The following MDGA2 variants were observed in gnomAD, a reference collection of about 807,000 sequenced individuals.
MDGA2 encodes the protein MAM domain-containing glycosylphosphatidylinositol anchor protein 2.
A neutral mutation model predicts 117.8 loss-of-function variants in MDGA2; 40 were observed. That is an observed-to-expected ratio of 0.34 (90% CI 0.26 to 0.44). MDGA2 has a LOEUF of 0.44. Among genes scored for constraint, MDGA2 ranks in the 20% least tolerant of loss-of-function variants. The pLI is 1.00. For missense variants in MDGA2, 1,123 were observed against 1,250.6 expected (o/e 0.90, Z 1.54); for synonymous variants, 452 against 439.0 (o/e 1.03, Z -0.37).
intron 9 of MDGA2, among the ~76,000 whole-genome samples, chr14:46,931,233 A>G (rs1292347395): frequency 6.6e-6 from 1 of 151,694 alleles, no homozygotes; most frequent in East Asian, 1.9e-4. Context: ...AAAAAAAAAA[A>G]AAACTCAAAA....
intron 1 of MDGA2, among the ~76,000 whole-genome samples, chr14:47,334,597 T>G (rs528656955): frequency 2.0e-5 from 3 of 152,086 alleles, no homozygotes; most frequent in African/African-American, 7.2e-5. Context: ...TTAAATATAT[T>G]GCTCTTAATA....
At chr14:47,177,412 C>T (rs1223580587) in intron 3 of MDGA2, among the ~76,000 whole-genome samples, 11 of 151,372 alleles carry the variant, frequency 7.3e-5, no homozygotes, top group African/African-American at 2.7e-4. Flanking sequence ...AAATGTCCAA[C>T]AATGATAGAC....
intron 5 of MDGA2, among the ~76,000 whole-genome samples, chr14:47,104,411 G>C (rs1235184299): frequency 2.7e-5 from 4 of 146,056 alleles, no homozygotes. Context: ...GCTCATCCTG[G>C]CTCAAAAAGC....
chr14:47,402,726 G>T (rs777846890), intron 1 of MDGA2, among the ~76,000 whole-genome samples: 79 of 151,954 alleles, frequency 5.2e-4, no homozygotes, highest in Non-Finnish European at 1.0e-3. Context: ...TTTCATCTTT[G>T]TCCTAAAATT....
At chr14:47,488,463 G>T (rs1894104097) in intron 1 of MDGA2, among the ~76,000 whole-genome samples, 1 of 151,996 alleles carries the variant, frequency 6.6e-6, no homozygotes, top group African/African-American at 2.4e-5. Flanking sequence ...TCTTAACAAT[G>T]TATCATAGAA....
chr14:47,038,458 T>C (rs1285319660), intron 7 of MDGA2, among the ~76,000 whole-genome samples: 2 of 152,206 alleles, frequency 1.3e-5, no homozygotes, highest in Admixed American at 1.3e-4. Flanking sequence ...GCTAAATATT[T>C]CAAATATCCC....
intron 1 of MDGA2, among the ~76,000 whole-genome samples, chr14:47,446,300 T>A (rs1893120871): frequency 6.6e-6 from 1 of 152,174 alleles, no homozygotes; most frequent in African/African-American, 2.4e-5. Flanking sequence ...GGGAATTATA[T>A]GTGAGAAGAT....
chr14:47,617,365 T>C (rs1896966149), intron 1 of MDGA2, among the ~76,000 whole-genome samples: 1 of 151,944 alleles, frequency 6.6e-6, no homozygotes, highest in Admixed American at 6.6e-5. Context: ...CCACCACACC[T>C]GGCTAATTTT....
intron 8 of MDGA2, among the ~76,000 whole-genome samples, chr14:47,031,927 G>A (rs1314694759): frequency 2.0e-5 from 3 of 152,082 alleles, no homozygotes; most frequent in Non-Finnish European, 2.9e-5. Context: ...TATACAGCCT[G>A]CAAAACTGTA....
chr14:46,928,226 T>A (rs1884404582), intron 9 of MDGA2, among the ~76,000 whole-genome samples: 2 of 152,078 alleles, frequency 1.3e-5, no homozygotes, highest in South Asian at 2.1e-4. Flanking sequence ...AGCATTATTT[T>A]AAAAAAATTC....
At position 47,035,036 on chromosome 14, in the gene MDGA2, T is replaced by A; in HGVS notation, c.1794A>T (p.Glu598Asp). The A allele has an allele frequency of 6.2e-7, 1 of 1,613,800 alleles. No homozygotes were observed. The highest frequency in any genetic ancestry group is 8.5e-7 in the Non-Finnish European group (1 of 1,179,816). ...QYNGFNVKPREALVQLIVQYP... is the reference protein window; with the variant it reads ...QYNGFNVKPRDALVQLIVQYP... ...ACTGAACGATGAGCTGCACCAAGGC[T>A]TCCCTTGGTTTCACGTTAAATCCAT... The change falls in exon 8 of 17, where the codon GAA becomes GAT. Residue 598 changes from glutamate (E) to aspartate (D), a missense_variant. By Grantham distance (45) the Glu-to-Asp change is conservative. This residue lies in a region of MDGA2 where 890 missense variants were observed against 1,050.3 expected (regional missense o/e 0.85). Coordinates refer to ENST00000399232, the MANE Select transcript of MDGA2 (RefSeq NM_001113498.3).
intron 1 of MDGA2, among the ~76,000 whole-genome samples, chr14:47,306,837 A>AACAGGGAGAG: frequency 2.0e-5 from 1 of 50,588 alleles, no homozygotes; most frequent in African/African-American, 7.9e-5. Flanking sequence ...GAGAAAGAGA[A>AACAGGGAGAG]AGAGGGAGAG....
intron 8 of MDGA2, among the ~76,000 whole-genome samples, chr14:46,976,482 G>A (rs1457128914): frequency 6.6e-6 from 1 of 151,714 alleles, no homozygotes; most frequent in Non-Finnish European, 1.5e-5. Flanking sequence ...AAAACAGCTT[G>A]GTTAGAGCTG....
intron 1 of MDGA2, among the ~76,000 whole-genome samples, chr14:47,584,910 T>A (rs888523390): frequency 5.3e-5 from 8 of 151,834 alleles, no homozygotes; most frequent in African/African-American, 1.9e-4. Context: ...GCCTTCCTCT[T>A]CAACCTGAAT....
chr14:47,126,280 C>T (rs938122516), intron 5 of MDGA2, among the ~76,000 whole-genome samples: 1 of 151,906 alleles, frequency 6.6e-6, no homozygotes, highest in South Asian at 2.1e-4. Flanking sequence ...GGGAAACAAC[C>T]AAAACAACTT....
chr14:47,030,590 C>G (rs1365578331), intron 8 of MDGA2, among the ~76,000 whole-genome samples: 1 of 151,968 alleles, frequency 6.6e-6, no homozygotes, highest in African/African-American at 2.4e-5. Flanking sequence ...TTTTTAAATA[C>G]TATGAATAAA....
In MDGA2 at chr14:46,841,999, C is replaced by T; in HGVS notation, c.3010G>A (p.Gly1004Arg). The change falls in exon 17 of 17, where the codon GGG becomes AGG. Residue 1004 changes from glycine to arginine, a missense_variant. By Grantham distance (125) the Gly-to-Arg change is moderately radical. This residue lies in a region of MDGA2 where 890 missense variants were observed against 1,050.3 expected (regional missense o/e 0.85). Transcript: ENST00000399232. ...ATKNSVDGAV[G>R]ILVHIWLFPI... ...AAAAGCCATATATGAACCAAAATCC[C>T]AACAGCACCATCAACGGAATCTAAA... is the stretch of plus-strand genomic sequence containing the variant. 2 of 1,610,990 alleles carry T rather than the reference C, an allele frequency of 1.2e-6. No homozygotes were observed. Among genetic ancestry groups the T allele is most frequent in the Non-Finnish European group, 1.7e-6 (2 of 1,177,942 alleles).
chr14:47,296,926 T>C (rs1196520454), intron 2 of MDGA2, among the ~76,000 whole-genome samples: 2 of 152,204 alleles, frequency 1.3e-5, no homozygotes, highest in Non-Finnish European at 2.9e-5. Context: ...AAGACAATGA[T>C]CCAGGCCACT....
At chr14:47,180,017 TC>T (rs1555361075) in intron 3 of MDGA2, among the ~76,000 whole-genome samples, 2 of 74,828 alleles carry the variant, frequency 2.7e-5, no homozygotes, top group Admixed American at 1.6e-4. Context: ...CTTATTCTAT[TC>T]TTTAACTTTT....
Sources: gnomAD v4.1 joint callset for allele counts (sites outside exome capture counted in the v4.1 genomes callset) on GRCh38, gnomAD v4.1.1 for gene constraint, gnomAD v4.1.1 regional missense constraint, MANE v1.5 for transcripts, NCBI Gene and HGNC (gene_info 2026-07-23, HGNC 2026-07-21) for gene names.